Variants in PSEN1 observed in about 807,000 individuals in gnomAD.
PSEN1 encodes presenilin-1.
A neutral mutation model predicts 53.5 loss-of-function variants in PSEN1; 15 were observed. The ratio of observed to expected loss-of-function variants is 0.28; its 90% CI spans 0.19 to 0.43. The LOEUF is 0.43. PSEN1 is among the 20% of genes least tolerant of loss of function. PSEN1 has a pLI of 1.00. For missense variants in PSEN1, 387 were observed against 571.2 expected, an observed-to-expected ratio of 0.68 and a Z score of 3.29; for synonymous variants, 208 against 209.8, an observed-to-expected ratio of 0.99 and a Z score of 0.08.
At chr14:73,205,581 A>G (rs1366326134) in intron 8 of PSEN1, among the ~76,000 whole-genome samples, 7 of 151,562 alleles carry the variant, frequency 4.6e-5, no homozygotes, top group Admixed American at 3.3e-4. Context: ...GTTTGCTTAT[A>G]TGTACTTTTG....
intron 10 of PSEN1, among the ~76,000 whole-genome samples, chr14:73,216,476 A>G (rs1899918168): frequency 6.6e-6 from 1 of 152,192 alleles, no homozygotes; most frequent in Non-Finnish European, 1.5e-5. Context: ...AAATAAGATG[A>G]TAGGCCATGT....
At position 73,201,311 on chromosome 14, in the gene PSEN1, C is replaced by T. The variant is rs369050931; in HGVS notation, c.868+3182C>T. ...CCATGTTAGCCAGGATGGTCTCGATCTCCTGACCTTGTGATCCGCCCGCCT... is the reference window on the plus strand; with the variant it reads ...CCATGTTAGCCAGGATGGTCTCGATTTCCTGACCTTGTGATCCGCCCGCCT... On this transcript the variant is annotated intron_variant, in intron 8 of 11. Coordinates refer to ENST00000324501, the MANE Select transcript of PSEN1 (RefSeq NM_000021.4). 5.9e-5 allele frequency among the ~76,000 whole-genome samples: 9 copies of T among 152,298 alleles called. No individual in the cohort carries two copies. In the East Asian group the frequency reaches 9.7e-4, roughly 16 times the overall value.
intron 6 of PSEN1, among the ~76,000 whole-genome samples, chr14:73,192,165 C>T (rs1417345577): frequency 6.6e-6 from 1 of 152,062 alleles, no homozygotes; most frequent in African/African-American, 2.4e-5. Flanking sequence ...TGGCCAGGCA[C>T]CGTGGCTCAT....
At chr14:73,184,640 G>T in intron 5 of PSEN1, among the ~76,000 whole-genome samples, 1 of 144,852 alleles carries the variant, frequency 6.9e-6, no homozygotes, top group African/African-American at 2.5e-5. Context: ...TGGCCGGGCG[G>T]GGGGCTGACC....
intron 3 of PSEN1, among the ~76,000 whole-genome samples, chr14:73,152,154 C>T (rs1468119442): frequency 2.0e-5 from 3 of 147,180 alleles, no homozygotes; most frequent in African/African-American, 5.0e-5. Flanking sequence ...CCTCGTGATT[C>T]GCCCGTCTCG....
At chr14:73,164,613 G>A (rs946422613) in intron 3 of PSEN1, among the ~76,000 whole-genome samples, 1 of 152,026 alleles carries the variant, frequency 6.6e-6, no homozygotes, top group Non-Finnish European at 1.5e-5. Context: ...TAAATAACTC[G>A]CCCCAAATCA....
chr14:73,138,282 G>C (rs1028305977), intron 1 of PSEN1: 1 of 151,152 alleles, frequency 6.6e-6, no homozygotes, highest in Non-Finnish European at 1.5e-5. Flanking sequence ...GCAGTGGCGC[G>C]ATCTCAGCTC....
At chr14:73,142,646 T>TA (rs1007890157) in intron 1 of PSEN1, among the ~76,000 whole-genome samples, 1 of 152,190 alleles carries the variant, frequency 6.6e-6, no homozygotes, top group African/African-American at 2.4e-5. Flanking sequence ...TTAATAAACT[T>TA]ATTGTGAGAT....
At chr14:73,191,901 C>G (rs1031276934) in intron 6 of PSEN1, among the ~76,000 whole-genome samples, 6 of 152,056 alleles carry the variant, frequency 3.9e-5, no homozygotes, top group Admixed American at 2.6e-4. Flanking sequence ...AATTTATGTC[C>G]TAGCTATAAA....
chr14:73,186,928 G>A lies in PSEN1; in HGVS notation c.548+8G>A. On this transcript the variant is annotated splice_region_variant and intron_variant, in intron 6 of 11. Coordinates refer to ENST00000324501, the MANE Select transcript of PSEN1 (RefSeq NM_000021.4). ...TTCATTCATTTACTTGGGGTAAGTT[G>A]TGAAATTTTTGGTCTGTCTTTCAGA... 1 of 1,610,082 alleles carries A rather than the reference G, an allele frequency of 6.2e-7. No homozygotes were observed. Among genetic ancestry groups the A allele is most frequent in the Non-Finnish European group, 8.5e-7 (1 of 1,176,518 alleles).
intron 1 of PSEN1, among the ~76,000 whole-genome samples, chr14:73,145,383 G>A (rs928561009): frequency 3.3e-5 from 5 of 151,956 alleles, no homozygotes; most frequent in Non-Finnish European, 7.4e-5. Flanking sequence ...CACTCAGGCT[G>A]GAGTGTAGTG....
rs748966974 is a variant in PSEN1, at chr14:73,221,169, A to G, written c.*1880A>G. 3.3e-5 allele frequency: 5 copies of G among 152,244 alleles called. No individual in the cohort carries two copies. Among genetic ancestry groups the G allele is most frequent in the Non-Finnish European group, 7.3e-5 (5 of 68,050 alleles). 9.4% of individuals were successfully genotyped at this position (152,244 alleles called of 1,614,324 possible). ...TATTAGGCAGTCACAGACAGGAAAAATAAGAGCTATGCAAAGAAAGGGGGA... is the reference window on the plus strand; with the variant it reads ...TATTAGGCAGTCACAGACAGGAAAAGTAAGAGCTATGCAAAGAAAGGGGGA... On this transcript the variant is annotated 3_prime_UTR_variant, in exon 12 of 12. Transcript: ENST00000324501.
At chr14:73,212,560 C>A (rs1282768375) in intron 10 of PSEN1, among the ~76,000 whole-genome samples, 1 of 152,180 alleles carries the variant, frequency 6.6e-6, no homozygotes, top group Non-Finnish European at 1.5e-5. Context: ...TCTCACTCTG[C>A]TGTAGAGAGA....
intron 5 of PSEN1, among the ~76,000 whole-genome samples, chr14:73,176,337 C>T (rs1898046688): frequency 6.6e-6 from 1 of 152,196 alleles, no homozygotes; most frequent in South Asian, 2.1e-4. Context: ...CCTTTAGTTT[C>T]CCTGCTTTAG....
intron 3 of PSEN1, among the ~76,000 whole-genome samples, chr14:73,153,077 C>T (rs1897270395): frequency 6.6e-6 from 1 of 151,998 alleles, no homozygotes; most frequent in Admixed American, 6.6e-5. Context: ...AAAAGCAAAC[C>T]TATGAGCTAT....
rs1289493509 is a variant in PSEN1, at chr14:73,138,795, T to C, written c.-136+2212T>C. 1.1e-3 allele frequency among the ~76,000 whole-genome samples: 155 copies of C among 139,342 alleles called. 1 individual carries two copies. The highest frequency in any genetic ancestry group is 3.7e-3 in the African/African-American group (136 of 37,184). 91.4% of individuals were successfully genotyped at this position (139,342 alleles called of 152,430 possible). On this transcript the variant is annotated intron_variant, in intron 1 of 11. Coordinates refer to ENST00000324501, the MANE Select transcript of PSEN1 (RefSeq NM_000021.4). ...TAACACGGTGAAACCCCATCTCTAC[T>C]AAAAAATACAAAAAAAAAAAAATTA...
intron 3 of PSEN1, among the ~76,000 whole-genome samples, chr14:73,150,826 T>C (rs1436498499): frequency 6.7e-6 from 1 of 148,178 alleles, no homozygotes; most frequent in Non-Finnish European, 1.5e-5. Context: ...TCCCAACACT[T>C]TGGGAGGCCG....
intron 3 of PSEN1, chr14:73,168,299 GA>G (rs1897779300): frequency 6.6e-6 from 1 of 151,840 alleles, no homozygotes; most frequent in Non-Finnish European, 1.5e-5. Flanking sequence ...AGGTTACAGT[GA>G]GCCCAGATTG....
At chr14:73,214,699 G>C (rs533810469) in intron 10 of PSEN1, among the ~76,000 whole-genome samples, 16 of 152,270 alleles carry the variant, frequency 1.1e-4, no homozygotes, top group Non-Finnish European at 1.5e-4. Context: ...AAATAAGCTA[G>C]TTACAAAAAG....
Sources: gnomAD v4.1 joint callset for allele counts (sites outside exome capture counted in the v4.1 genomes callset) on GRCh38, gnomAD v4.1.1 for gene constraint, MANE v1.5 for transcripts, NCBI Gene and HGNC (gene_info 2026-07-23, HGNC 2026-07-21) for gene names.